The following TGFBR3 variants were observed in gnomAD, a reference collection of about 807,000 sequenced individuals.
TGFBR3 encodes the protein transforming growth factor beta receptor type 3.
A neutral mutation model predicts 87.9 loss-of-function variants in TGFBR3; 46 were observed. The ratio of observed to expected loss-of-function variants is 0.52; its 90% CI spans 0.41 to 0.67. TGFBR3 has a LOEUF of 0.67. Ranked by LOEUF, TGFBR3 falls within the 30% of genes least tolerant of loss-of-function variation. The pLI is 0.00. For missense variants in TGFBR3, 866 were observed against 1,041.9 expected (o/e 0.83, Z 2.32); for synonymous variants, 381 against 391.6 (o/e 0.97, Z 0.32).
At chr1:91,745,520 A>G (rs1229018651) in intron 4 of TGFBR3, among the ~76,000 whole-genome samples, 1 of 152,188 alleles carries the variant, frequency 6.6e-6, no homozygotes, top group Non-Finnish European at 1.5e-5. Flanking sequence ...CCCACACAGA[A>G]AGGCATTACA....
In TGFBR3 at chr1:91,682,593, T is replaced by C. The variant is rs765497918; in HGVS notation, c.*1146A>G. 4.4e-6 allele frequency: 2 copies of C among 453,944 alleles called. No homozygotes were observed. Among genetic ancestry groups the C allele is most frequent in the South Asian group, 3.1e-5 (2 of 64,442 alleles). 28.1% of individuals were successfully genotyped at this position (453,944 alleles called of 1,614,324 possible). ...GTGCCCTTTTCCAATCTCAGCACTG[T>C]CTTGGTGGAATTGGTGACACTATTC... On this transcript the variant is annotated 3_prime_UTR_variant, in exon 17 of 17. Coordinates refer to ENST00000212355, the MANE Select transcript of TGFBR3 (RefSeq NM_003243.5).
intron 13 of TGFBR3, 38 bp downstream of exon 13, chr1:91,712,205 G>A: frequency 1.2e-6 from 2 of 1,603,966 alleles, no homozygotes; most frequent in Non-Finnish European, 1.7e-6. Context: ...ACCTAAAAAT[G>A]CCAAAATAAC....
At chr1:91,870,608 T>C (rs940187038) in intron 1 of TGFBR3, among the ~76,000 whole-genome samples, 3 of 152,194 alleles carry the variant, frequency 2.0e-5, no homozygotes, top group African/African-American at 7.2e-5. Flanking sequence ...TGAACACCTA[T>C]CATGTATATC....
At chr1:91,858,624 AAAAAAAAAAC>A (rs1678057516) in intron 2 of TGFBR3, among the ~76,000 whole-genome samples, 1 of 151,058 alleles carries the variant, frequency 6.6e-6, no homozygotes, top group East Asian at 1.9e-4. Context: ...AAAAAAAAAA[AAAAAAAAAAC>A]AAAATTTCCC....
intron 2 of TGFBR3, among the ~76,000 whole-genome samples, chr1:91,804,299 GT>G (rs1329319280): frequency 6.6e-6 from 1 of 152,170 alleles, no homozygotes; most frequent in Non-Finnish European, 1.5e-5. Flanking sequence ...ACACAAATCT[GT>G]TTTTGTCTTC....
chr1:91,786,043 C>T (rs72967197), intron 3 of TGFBR3: 8 of 365,668 alleles, frequency 2.2e-5, no homozygotes, highest in African/African-American at 4.2e-5. Context: ...AGATTACAGG[C>T]GTGAGCCACC....
chr1:91,891,572 T>C (rs1343570498), intron 2 of TGFBR3, among the ~76,000 whole-genome samples: 1 of 152,094 alleles, frequency 6.6e-6, no homozygotes, highest in Non-Finnish European at 1.5e-5. Context: ...AGAAGAACTA[T>C]TACCCCACCA....
At chr1:91,819,516 A>C (rs1676371532) in intron 2 of TGFBR3, among the ~76,000 whole-genome samples, 1 of 152,174 alleles carries the variant, frequency 6.6e-6, no homozygotes, top group South Asian at 2.1e-4. Flanking sequence ...CAATTCATCC[A>C]CTGAGAGCCA....
At position 91,856,984 on chromosome 1, in the gene TGFBR3, G is replaced by A. The variant is rs1677979161; in HGVS notation, c.61+4487C>T. Among the ~76,000 whole-genome samples, 3 of 152,212 alleles carry A rather than the reference G, an allele frequency of 2.0e-5. 1 individual carries two copies. The South Asian group carries it at 6.2e-4, about 32-fold the overall frequency. On this transcript the variant is annotated intron_variant, in intron 2 of 16. Transcript: ENST00000212355. ...TTGTACAAATTATTAACCAAACTGA[G>A]TCTCAATTTCCTTGTTTGTAAAATG... is the stretch of plus-strand genomic sequence containing the variant.
At chr1:91,903,372 A>C (rs1047485051) in intron 1 of TGFBR3, among the ~76,000 whole-genome samples, 3 of 140,718 alleles carry the variant, frequency 2.1e-5, no homozygotes, top group African/African-American at 7.8e-5. Context: ...AAAAATTGCC[A>C]GTCTGGACCT....
At position 91,740,221 on chromosome 1, in the gene TGFBR3, G is replaced by A. The variant is rs146288481; in HGVS notation, c.385-5262C>T. On this transcript the variant is annotated intron_variant, in intron 4 of 16. Coordinates refer to ENST00000212355, the MANE Select transcript of TGFBR3 (RefSeq NM_003243.5). Reference sequence around the variant, plus strand: ...ATTACAGGCGTGTGCCACCACATCCGGCTAATTTTTGTATTATTAGTAAAG... The same window carrying A: ...ATTACAGGCGTGTGCCACCACATCCAGCTAATTTTTGTATTATTAGTAAAG... Among the ~76,000 whole-genome samples, 231 of 151,880 alleles carry A rather than the reference G, an allele frequency of 1.5e-3. 2 individuals carry two copies. In the Middle Eastern group the frequency reaches 0.017, roughly 11 times the overall value.
chr1:91,822,746 C>A (rs919358014), intron 2 of TGFBR3, among the ~76,000 whole-genome samples: 2 of 151,838 alleles, frequency 1.3e-5, no homozygotes, highest in African/African-American at 4.8e-5. Context: ...GGGAACATGG[C>A]AAAACCCCAT....
intron 2 of TGFBR3, among the ~76,000 whole-genome samples, chr1:91,853,740 G>A (rs771485062): frequency 6.6e-6 from 1 of 152,194 alleles, no homozygotes; most frequent in Non-Finnish European, 1.5e-5. Context: ...ATGGCCGGGA[G>A]CGGTGGCTCA....
intron 2 of TGFBR3, among the ~76,000 whole-genome samples, chr1:91,825,490 G>GA (rs1233879422): frequency 6.6e-6 from 1 of 152,206 alleles, no homozygotes; most frequent in African/African-American, 2.4e-5. Context: ...GGAAAGGGAA[G>GA]AATAGGGAGA....
At chr1:91,902,247 A>C in intron 1 of TGFBR3, among the ~76,000 whole-genome samples, 1 of 139,450 alleles carries the variant, frequency 7.2e-6, no homozygotes, top group African/African-American at 2.5e-5. Flanking sequence ...CTGTTTGAAG[A>C]CGTGCAGTTT....
At chr1:91,806,364 G>A (rs1490229514) in intron 2 of TGFBR3, among the ~76,000 whole-genome samples, 8 of 152,116 alleles carry the variant, frequency 5.3e-5, no homozygotes, top group Non-Finnish European at 1.2e-4. Flanking sequence ...TCGACAGAAC[G>A]CAGACAAAGC....
chr1:91,842,724 A>C (rs1677333984), intron 2 of TGFBR3, among the ~76,000 whole-genome samples: 1 of 152,188 alleles, frequency 6.6e-6, no homozygotes, highest in African/African-American at 2.4e-5. Flanking sequence ...TGTCTAAATA[A>C]AGATTAACTT....
intron 2 of TGFBR3, among the ~76,000 whole-genome samples, chr1:91,809,428 G>C (rs1355656362): frequency 1.3e-5 from 2 of 152,184 alleles, no homozygotes; most frequent in African/African-American, 4.8e-5. Context: ...GAGACAAGTG[G>C]CAAGATGAGA....
chr1:91,715,567 G>C (rs553194604), intron 12 of TGFBR3, among the ~76,000 whole-genome samples: 1 of 152,330 alleles, frequency 6.6e-6, no homozygotes, highest in Admixed American at 6.5e-5. Context: ...GCAAATGTTA[G>C]ATGTTGTTAT....
Sources: allele counts gnomAD v4.1 joint callset (sites outside exome capture counted in the v4.1 genomes callset), GRCh38; gene constraint gnomAD v4.1.1; transcripts MANE v1.5; gene names NCBI Gene and HGNC (gene_info 2026-07-23, HGNC 2026-07-21).